Variants in GPD2 observed in about 807,000 individuals in gnomAD.
GPD2 encodes glycerol-3-phosphate dehydrogenase, mitochondrial.
In GPD2, 54 loss-of-function variants were observed where a neutral mutation model predicts 82.4. That is an observed-to-expected ratio of 0.66 (90% CI 0.53 to 0.82). The LOEUF is 0.82. Among genes scored for constraint, GPD2 ranks in the 40% least tolerant of loss-of-function variants. The pLI is 0.00. For synonymous variants in GPD2, 288 were observed against 306.1 expected, an observed-to-expected ratio of 0.94 and a Z score of 0.62; for missense variants, 748 against 896.2, an observed-to-expected ratio of 0.83 and a Z score of 2.11.
chr2:156,540,614 A>G (rs1686271145), intron 6 of GPD2, among the ~76,000 whole-genome samples: 1 of 152,204 alleles, frequency 6.6e-6, no homozygotes, highest in African/African-American at 2.4e-5. Flanking sequence ...GATTTCCTTT[A>G]TGAAAAGTGA....
intron 3 of GPD2, among the ~76,000 whole-genome samples, chr2:156,503,479 GA>G (rs1684665730): frequency 6.6e-6 from 1 of 152,114 alleles, no homozygotes; most frequent in Admixed American, 6.5e-5. Flanking sequence ...AGAAGAAGAA[GA>G]GTTCAAAGCT....
chr2:156,558,846 G>A (rs1175138832), intron 9 of GPD2, among the ~76,000 whole-genome samples: 1 of 128,422 alleles, frequency 7.8e-6, no homozygotes, highest in Non-Finnish European at 1.6e-5. Flanking sequence ...TCAAACTCCT[G>A]ACCTCATGAT....
At chr2:156,564,940 C>T (rs1687324633) in intron 9 of GPD2, among the ~76,000 whole-genome samples, 1 of 152,018 alleles carries the variant, frequency 6.6e-6, no homozygotes, top group Admixed American at 6.6e-5. Context: ...TTTTGACTAT[C>T]AACTCCAGGA....
At chr2:156,475,542 C>T (rs538629883) in intron 1 of GPD2, among the ~76,000 whole-genome samples, 6 of 152,152 alleles carry the variant, frequency 3.9e-5, no homozygotes, top group Admixed American at 2.0e-4. Flanking sequence ...CCGACTCTTT[C>T]AATAATAGAA....
intron 5 of GPD2, 26 bp from the exon 6 acceptor site, chr2:156,513,307 A>G: frequency 6.5e-7 from 1 of 1,542,784 alleles, no homozygotes; most frequent in Non-Finnish European, 9.0e-7. Flanking sequence ...GTTTCTGAAG[A>G]ACTTTCCCCC....
intron 3 of GPD2, among the ~76,000 whole-genome samples, chr2:156,508,850 A>G (rs980104243): frequency 6.6e-6 from 1 of 152,144 alleles, no homozygotes; most frequent in Non-Finnish European, 1.5e-5. Flanking sequence ...TTCTGGGTTT[A>G]TATCCTGAAT....
At chr2:156,436,041 C>A (rs1454051209), upstream of GPD2, among the ~76,000 whole-genome samples, 1 of 152,236 alleles carries the variant, frequency 6.6e-6, no homozygotes, top group East Asian at 1.9e-4. Context: ...AGGGCCCTTG[C>A]GTGTGGCGCT....
chr2:156,437,921 A>G (rs1407078700), intron 1 of GPD2, among the ~76,000 whole-genome samples: 1 of 152,180 alleles, frequency 6.6e-6, no homozygotes, highest in Non-Finnish European at 1.5e-5. Context: ...ATTATTGTGC[A>G]TAACTCATGT....
At chr2:156,512,447 T>A (rs1685036569) in intron 5 of GPD2, 130 bp downstream of exon 5, 2 of 701,476 alleles carry the variant, frequency 2.9e-6, no homozygotes, top group Non-Finnish European at 5.3e-6. Context: ...TTAATCCTTT[T>A]GAAGTATTTT....
chr2:156,526,601 T>TAGTTTA (rs5835621), intron 6 of GPD2, among the ~76,000 whole-genome samples: 149,503 of 152,000 alleles, frequency 0.98, 73,580 homozygotes, highest in Middle Eastern at 1. Flanking sequence ...TAATTAATTG[T>TAGTTTA]AGTTTAAGAT....
chr2:156,517,754 A>G (rs1439464780), intron 6 of GPD2, among the ~76,000 whole-genome samples: 1 of 149,446 alleles, frequency 6.7e-6, no homozygotes, highest in Non-Finnish European at 1.5e-5. Context: ...TCAGGAACTT[A>G]TTTTTTTTTT....
the GPD2 span, among the ~76,000 whole-genome samples, chr2:156,425,845 C>T: frequency 6.6e-6 from 1 of 151,872 alleles, no homozygotes; most frequent in African/African-American, 2.4e-5. Context: ...TACTACAGTC[C>T]GGGTGTGTGA....
Position 156,496,221 on chromosome 2 carries a change from T to C in GPD2, c.274+6T>C. 6.3e-7 allele frequency: 1 copy of C among 1,590,406 alleles called. No individual in the cohort carries two copies. The highest frequency in any genetic ancestry group is 8.6e-7 in the Non-Finnish European group (1 of 1,161,012). Reference sequence around the variant, plus strand: ...GCTAGATGCTGTCACCAGAGGTAAGTCTTTTTTTTTTTTATTTTAATTTTA... The same window carrying C: ...GCTAGATGCTGTCACCAGAGGTAAGCCTTTTTTTTTTTTATTTTAATTTTA... On this transcript the variant is annotated splice_donor_region_variant and intron_variant, in intron 3 of 16. Coordinates refer to ENST00000438166, the MANE Select transcript of GPD2 (RefSeq NM_000408.5).
intron 2 of GPD2, among the ~76,000 whole-genome samples, chr2:156,483,636 G>T (rs911305330): frequency 6.6e-6 from 1 of 152,176 alleles, no homozygotes; most frequent in Non-Finnish European, 1.5e-5. Context: ...GTTCAAATGA[G>T]TATTTGTTGA....
At chr2:156,474,082 A>G (rs1432524386) in intron 1 of GPD2, among the ~76,000 whole-genome samples, 1 of 152,170 alleles carries the variant, frequency 6.6e-6, no homozygotes, top group East Asian at 1.9e-4. Flanking sequence ...CCCAGGCTGG[A>G]GTGCAGTGGC....
chr2:156,522,353 C>T (rs1685440984), intron 6 of GPD2, among the ~76,000 whole-genome samples: 1 of 152,122 alleles, frequency 6.6e-6, no homozygotes, highest in African/African-American at 2.4e-5. Context: ...TATATAAAAG[C>T]TTAAAGACAG....
At chr2:156,412,117 C>T in the GPD2 span, among the ~76,000 whole-genome samples, 2 of 152,112 alleles carry the variant, frequency 1.3e-5, no homozygotes, top group African/African-American at 4.8e-5. Context: ...GTATGAAAAA[C>T]TTGCCCCATT....
intron 2 of GPD2, among the ~76,000 whole-genome samples, chr2:156,494,709 G>A (rs1033831797): frequency 6.6e-6 from 1 of 152,192 alleles, no homozygotes; most frequent in African/African-American, 2.4e-5. Flanking sequence ...TCCTGCAGCA[G>A]AATGGGAAAA....
intron 1 of GPD2, among the ~76,000 whole-genome samples, chr2:156,440,463 T>C (rs141143670): frequency 1.6e-4 from 24 of 152,364 alleles, no homozygotes; most frequent in African/African-American, 5.8e-4. Context: ...AATTCTAATT[T>C]GTGTCCTGAT....
Sources: gnomAD v4.1 joint callset for allele counts (sites outside exome capture counted in the v4.1 genomes callset) on GRCh38, gnomAD v4.1.1 for gene constraint, MANE v1.5 for transcripts, NCBI Gene and HGNC (gene_info 2026-07-23, HGNC 2026-07-21) for gene names.